The following RBMS3 variants were observed in gnomAD, a reference collection of about 807,000 sequenced individuals.
RBMS3 encodes RNA binding motif single stranded interacting protein 3.
Under a neutral mutation model 66.8 loss-of-function variants are expected in RBMS3, and 27 were observed. The observed-to-expected ratio is 0.40, with a 90% CI of 0.30 to 0.56. The LOEUF (loss-of-function observed/expected upper bound fraction) is 0.56, where lower values mean the gene tolerates loss of function less well. RBMS3 is among the 20% of genes least tolerant of loss of function. The pLI, the probability that RBMS3 is intolerant of heterozygous loss-of-function variation, is 0.40. For synonymous variants in RBMS3, 188 were observed against 183.0 expected, an observed-to-expected ratio of 1.03 and a Z score of -0.22; for missense variants, 513 against 549.5, an observed-to-expected ratio of 0.93 and a Z score of 0.66.
intron 1 of RBMS3, among the ~76,000 whole-genome samples, chr3:29,314,469 G>T (rs138602735): frequency 6.6e-6 from 1 of 151,798 alleles, no homozygotes; most frequent in African/African-American, 2.4e-5. Flanking sequence ...GAGTCAGTGT[G>T]GCTCCAGAAT....
intron 6 of RBMS3, among the ~76,000 whole-genome samples, chr3:29,844,527 C>T (rs939379228): frequency 6.6e-6 from 1 of 152,158 alleles, no homozygotes; most frequent in African/African-American, 2.4e-5. Context: ...TAAACTTTCT[C>T]CAGGAAGTTA....
intron 4 of RBMS3, among the ~76,000 whole-genome samples, chr3:29,721,415 A>T (rs2053638546): frequency 6.6e-6 from 1 of 152,164 alleles, no homozygotes; most frequent in South Asian, 2.1e-4. Context: ...AAGTGGTCTA[A>T]TACTAGGGTA....
At chr3:29,351,497 T>C (rs2036910485) in intron 1 of RBMS3, among the ~76,000 whole-genome samples, 1 of 152,130 alleles carries the variant, frequency 6.6e-6, no homozygotes, top group East Asian at 1.9e-4. Context: ...ATATATCTAC[T>C]TCATTACAAA....
chr3:29,961,766 C>T (rs1269543555), intron 12 of RBMS3, among the ~76,000 whole-genome samples: 1 of 151,516 alleles, frequency 6.6e-6, no homozygotes, highest in Non-Finnish European at 1.5e-5. Context: ...AGGTAGCTGC[C>T]CCCATGATTC....
chr3:29,521,729 T>C (rs756323379), intron 3 of RBMS3, among the ~76,000 whole-genome samples: 39 of 152,364 alleles, frequency 2.6e-4, no homozygotes, highest in Middle Eastern at 3.4e-3. Context: ...CATGGAGTGC[T>C]ATCATTATCT....
Position 30,009,563 on chromosome 3 carries a change from TCACTC to T in RBMS3, c.*5706_*5710del, listed in dbSNP as rs1438466977. 1 of 152,124 alleles carries T rather than the reference TCACTC, an allele frequency of 6.6e-6. No individual in the cohort carries two copies. The highest frequency in any genetic ancestry group is 1.5e-5 in the Non-Finnish European group (1 of 67,992). 9.4% of individuals were successfully genotyped at this position (152,124 alleles called of 1,614,324 possible). A position where few individuals can be genotyped will look rare whatever the true frequency, so the allele number is the denominator to read the frequency against. On this transcript the variant is annotated 3_prime_UTR_variant, in exon 15 of 15. Transcript: ENST00000383767. ...CAAAAGAAAGCTATTTTTGTTTCCT[TCACTC>T]CACTAAATTTGAACCAGTAGCACGG...
At chr3:29,384,457 AAG>A (rs764782523) in intron 1 of RBMS3, among the ~76,000 whole-genome samples, 6 of 151,918 alleles carry the variant, frequency 3.9e-5, no homozygotes, top group Non-Finnish European at 8.8e-5. Context: ...GAAGAAGAAG[AAG>A]AAGAAGAATC....
At chr3:29,928,180 T>TTATGTATATATATA (rs59335121) in intron 10 of RBMS3, among the ~76,000 whole-genome samples, 7 of 102,570 alleles carry the variant, frequency 6.8e-5, no homozygotes, top group East Asian at 3.3e-4. Flanking sequence ...TCTTCAAATT[T>TTATGTATATATATA]TATATATATA....
intron 10 of RBMS3, among the ~76,000 whole-genome samples, chr3:29,923,731 C>A (rs1488841352): frequency 6.6e-6 from 1 of 151,864 alleles, no homozygotes; most frequent in Non-Finnish European, 1.5e-5. Flanking sequence ...CAATAAGTTT[C>A]TTTAATATAT....
At chr3:29,640,298 G>A (rs73831628) in intron 4 of RBMS3, among the ~76,000 whole-genome samples, 275 of 147,386 alleles carry the variant, frequency 1.9e-3, no homozygotes, top group African/African-American at 6.8e-3. Flanking sequence ...ACACACACAC[G>A]AAAGACGGAA....
intron 4 of RBMS3, among the ~76,000 whole-genome samples, chr3:29,660,827 T>A (rs1576460776): frequency 6.6e-6 from 1 of 152,066 alleles, no homozygotes; most frequent in East Asian, 1.9e-4. Context: ...TATGCACAGA[T>A]AAAGAGAAAA....
Position 29,570,465 on chromosome 3 carries a change from C to A in RBMS3, c.308-16649C>A, listed in dbSNP as rs9840488. On this transcript the variant is annotated intron_variant, in intron 3 of 14. Transcript: ENST00000383767. Reference sequence around the variant, plus strand: ...ACCCTTCAACCATCCTCACCTCCCCCTCATCCCCTGCTACAGTTCCCAGCC... The same window carrying A: ...ACCCTTCAACCATCCTCACCTCCCCATCATCCCCTGCTACAGTTCCCAGCC... 4.4e-3 allele frequency among the ~76,000 whole-genome samples: 672 copies of A among 152,200 alleles called. 2 individuals are homozygous for A. The highest frequency in any genetic ancestry group is 0.015 in the African/African-American group (634 of 41,556).
chr3:29,699,341 G>C (rs1471007402), intron 4 of RBMS3, among the ~76,000 whole-genome samples: 1 of 152,100 alleles, frequency 6.6e-6, no homozygotes, highest in Non-Finnish European at 1.5e-5. Context: ...AGTAGAGTCA[G>C]GGTTTCATTT....
At chr3:29,361,145 A>G (rs1483929928) in intron 1 of RBMS3, among the ~76,000 whole-genome samples, 2 of 152,048 alleles carry the variant, frequency 1.3e-5, no homozygotes, top group African/African-American at 4.8e-5. Context: ...CCTAGCATCA[A>G]TAGTCTTTAC....
chr3:29,869,100 A>G, intron 7 of RBMS3, 136 bp downstream of exon 7: 2 of 661,386 alleles, frequency 3.0e-6, no homozygotes, highest in Non-Finnish European at 5.1e-6. Flanking sequence ...GCAAATGAGC[A>G]GACCCATGTT....
intron 5 of RBMS3, among the ~76,000 whole-genome samples, chr3:29,760,972 G>A (rs576134940): frequency 6.6e-6 from 1 of 151,916 alleles, no homozygotes; most frequent in Admixed American, 6.6e-5. Flanking sequence ...GGATCCATTG[G>A]GTCACCTGAT....
At chr3:29,850,861 G>A (rs1393390846) in intron 6 of RBMS3, among the ~76,000 whole-genome samples, 8 of 152,156 alleles carry the variant, frequency 5.3e-5, no homozygotes, top group Admixed American at 1.3e-4. Context: ...GAAAGGGATC[G>A]AGAAAGGATC....
intron 10 of RBMS3, chr3:29,925,059 AGT>A (rs1362217000): frequency 1.3e-5 from 2 of 152,216 alleles, no homozygotes; most frequent in African/African-American, 4.8e-5. Context: ...GGGACATAGT[AGT>A]TTTGAGGTAC....
intron 3 of RBMS3, among the ~76,000 whole-genome samples, chr3:29,501,937 A>G (rs1169567922): frequency 6.6e-6 from 1 of 152,074 alleles, no homozygotes; most frequent in Non-Finnish European, 1.5e-5. Context: ...TTATGGTGTC[A>G]GAGATATATT....
Sources: gnomAD v4.1 joint callset for allele counts (sites outside exome capture counted in the v4.1 genomes callset) on GRCh38, gnomAD v4.1.1 for gene constraint, MANE v1.5 for transcripts, NCBI Gene and HGNC (gene_info 2026-07-23, HGNC 2026-07-21) for gene names.